The following SEMA4D variants were observed in gnomAD, a reference collection of about 807,000 sequenced individuals.
SEMA4D encodes semaphorin 4D.
SEMA4D carries 22 observed loss-of-function variants against 74.8 expected under a neutral mutation model. That is an observed-to-expected ratio of 0.29 (90% CI 0.21 to 0.42). The LOEUF (loss-of-function observed/expected upper bound fraction) is 0.42, where lower values mean the gene tolerates loss of function less well. Among genes scored for constraint, SEMA4D ranks in the 10% least tolerant of loss-of-function variants. The probability of loss-of-function intolerance (pLI) is 1.00; values close to 1 mark genes in which losing one functional copy is unlikely to be tolerated. For synonymous variants in SEMA4D, 445 were observed against 463.7 expected, an observed-to-expected ratio of 0.96 and a Z score of 0.52; for missense variants, 937 against 1,118.4, an observed-to-expected ratio of 0.84 and a Z score of 2.31.
At chr9:89,364,090 G>C in intron 16 of SEMA4D, 1 of 1,546,054 alleles carries the variant, frequency 6.5e-7, no homozygotes, top group Non-Finnish European at 8.7e-7. Context: ...CAGTCCCTGG[G>C]ACTGCCCTGG....
intron 1 of SEMA4D, among the ~76,000 whole-genome samples, chr9:89,466,755 G>A (rs1858835113): frequency 6.6e-6 from 1 of 152,206 alleles, no homozygotes; most frequent in Admixed American, 6.5e-5. Context: ...CCAGTGAGTT[G>A]TCCTTGTGTG....
In SEMA4D at chr9:89,415,103, T is replaced by C. The variant is rs191247609; in HGVS notation, c.-243-9404A>G. On this transcript the variant is annotated intron_variant, in intron 2 of 15. Transcript: ENST00000422704. The stretch of plus-strand genomic sequence containing the variant: ...CCCCTCTAAGCAGCAGCCAGCATGG[T>C]AGAGATGCAGACTGTCATGCCATTT... Among the ~76,000 whole-genome samples, 8 of 152,314 alleles carry C rather than the reference T, an allele frequency of 5.3e-5. No homozygotes were observed. In the East Asian group the frequency reaches 7.7e-4, roughly 15 times the overall value.
intron 13 of SEMA4D, 55 bp downstream of exon 13, chr9:89,386,312 G>T: frequency 7.2e-7 from 1 of 1,385,292 alleles, no homozygotes; most frequent in Non-Finnish European, 1.0e-6. Flanking sequence ...CTGTCACCTA[G>T]AATCAAAGCC....
chr9:89,457,246 G>C (rs1001284244), intron 1 of SEMA4D, among the ~76,000 whole-genome samples: 1 of 152,130 alleles, frequency 6.6e-6, no homozygotes, highest in South Asian at 2.1e-4. Context: ...CCTGACAGGT[G>C]GGGAGCAGAC....
intron 1 of SEMA4D, among the ~76,000 whole-genome samples, chr9:89,480,714 G>A (rs1213554961): frequency 1.3e-5 from 2 of 152,244 alleles, no homozygotes; most frequent in African/African-American, 4.8e-5. Flanking sequence ...TGCTCCGAGT[G>A]CGGGGCCCAC....
intron 13 of SEMA4D, 200 bp downstream of exon 13, chr9:89,386,167 C>T (rs11525180): frequency 2.8e-6 from 2 of 712,916 alleles, no homozygotes; most frequent in African/African-American, 3.9e-5. Context: ...CTCCCCAGGT[C>T]TGCCTTCCTG....
intron 2 of SEMA4D, among the ~76,000 whole-genome samples, chr9:89,419,723 AC>A (rs1846490675): frequency 1.3e-5 from 2 of 151,858 alleles, no homozygotes; most frequent in Non-Finnish European, 2.9e-5. Context: ...GACCAGCTTG[AC>A]CAACAAGGCA....
chr9:89,370,365 G>A (rs1463708117), intron 16 of SEMA4D, among the ~76,000 whole-genome samples: 1 of 143,980 alleles, frequency 6.9e-6, no homozygotes, highest in Non-Finnish European at 1.5e-5. Context: ...TGGTGTATCT[G>A]TACGTATGTG....
intron 1 of SEMA4D, among the ~76,000 whole-genome samples, chr9:89,474,410 A>G (rs767259989): frequency 6.6e-6 from 1 of 152,232 alleles, no homozygotes; most frequent in Non-Finnish European, 1.5e-5. Context: ...AACAGATCCA[A>G]ATGCCTCCAT....
chr9:89,415,863 C>T (rs756420348), intron 2 of SEMA4D, among the ~76,000 whole-genome samples: 57 of 152,264 alleles, frequency 3.7e-4, no homozygotes, highest in African/African-American at 6.7e-4. Flanking sequence ...TGCCAAAGGT[C>T]GGTCACCATT....
chr9:89,482,731 G>A (rs1824823455), intron 1 of SEMA4D, among the ~76,000 whole-genome samples: 1 of 152,224 alleles, frequency 6.6e-6, no homozygotes, highest in Admixed American at 6.5e-5. Flanking sequence ...CTCAGTGGAA[G>A]TCTCCAGATG....
At chr9:89,431,458 T>TA (rs1849258536) in intron 2 of SEMA4D, among the ~76,000 whole-genome samples, 1 of 152,232 alleles carries the variant, frequency 6.6e-6, no homozygotes, top group Non-Finnish European at 1.5e-5. Context: ...CTGGAGGCAT[T>TA]TTTCAGTATT....
intron 16 of SEMA4D, chr9:89,364,344 A>C: frequency 3.2e-6 from 1 of 311,738 alleles, no homozygotes; most frequent in Non-Finnish European, 6.4e-6. Flanking sequence ...GAGACATCCC[A>C]AGGCTCTGCC....
chr9:89,423,939 T>TACTCCCTCAGCACCTCC (rs1486540102), intron 2 of SEMA4D, among the ~76,000 whole-genome samples: 28 of 127,752 alleles, frequency 2.2e-4, no homozygotes, highest in African/African-American at 8.3e-4. Context: ...TTCCCTCAGC[T>TACTCCCTCAGCACCTCC]ACTCCCTCAG....
intron 2 of SEMA4D, among the ~76,000 whole-genome samples, chr9:89,414,850 G>A (rs1845362652): frequency 6.6e-6 from 1 of 151,346 alleles, no homozygotes; most frequent in African/African-American, 2.4e-5. Flanking sequence ...ATCCCTGCAG[G>A]GGCAAGCGAG....
chr9:89,475,767 C>T (rs1434537508), intron 1 of SEMA4D, among the ~76,000 whole-genome samples: 3 of 152,170 alleles, frequency 2.0e-5, no homozygotes, highest in Admixed American at 2.0e-4. Context: ...ACACGGGAGG[C>T]CAATGTCAGC....
intron 1 of SEMA4D, among the ~76,000 whole-genome samples, chr9:89,496,564 C>G (rs954849465): frequency 1.3e-5 from 2 of 152,200 alleles, no homozygotes; most frequent in East Asian, 3.9e-4. Context: ...CCCTCATCTT[C>G]CCACCCCAGC....
chr9:89,462,926 G>C (rs772185302), intron 1 of SEMA4D, among the ~76,000 whole-genome samples: 2 of 143,042 alleles, frequency 1.4e-5, no homozygotes, highest in Non-Finnish European at 3.1e-5. Context: ...CTGGGAAAAA[G>C]AGCAAGACTG....
intron 2 of SEMA4D, among the ~76,000 whole-genome samples, chr9:89,445,428 T>C (rs1009889997): frequency 8.5e-5 from 13 of 152,144 alleles, no homozygotes; most frequent in Non-Finnish European, 1.3e-4. Flanking sequence ...CAGGACAGAA[T>C]TCTGAGATCA....
Sources: gnomAD v4.1 joint callset for allele counts (sites outside exome capture counted in the v4.1 genomes callset) on GRCh38, gnomAD v4.1.1 for gene constraint, MANE v1.5 for transcripts, NCBI Gene and HGNC (gene_info 2026-07-23, HGNC 2026-07-21) for gene names.